Variants in GRAMD1B observed in about 807,000 individuals in gnomAD.
GRAMD1B encodes GRAM domain containing 1B.
A neutral mutation model predicts 99.7 loss-of-function variants in GRAMD1B; 37 were observed. The observed-to-expected ratio is 0.37, with a 90% CI of 0.29 to 0.49. The LOEUF (loss-of-function observed/expected upper bound fraction) is 0.49, where lower values mean the gene tolerates loss of function less well. Ranked by LOEUF, GRAMD1B falls within the 20% of genes least tolerant of loss-of-function variation. GRAMD1B has a pLI of 0.98. For synonymous variants in GRAMD1B, 427 were observed against 387.6 expected (o/e 1.10, Z -1.19); for missense variants, 888 against 1,009.2 (o/e 0.88, Z 1.63).
At chr11:123,526,472 C>T (rs112943740) in intron 2 of GRAMD1B, among the ~76,000 whole-genome samples, 9 of 152,228 alleles carry the variant, frequency 5.9e-5, no homozygotes, top group African/African-American at 1.7e-4. Context: ...AGGAGTGGTG[C>T]GCACAGAGGG....
intron 2 of GRAMD1B, among the ~76,000 whole-genome samples, chr11:123,505,524 T>G (rs1940334349): frequency 6.6e-6 from 1 of 152,246 alleles, no homozygotes; most frequent in African/African-American, 2.4e-5. Context: ...ATATTTATTA[T>G]GTGCCAGACA....
chr11:123,544,151 G>C (rs1309788658), intron 2 of GRAMD1B, among the ~76,000 whole-genome samples: 1 of 152,196 alleles, frequency 6.6e-6, no homozygotes, highest in African/African-American at 2.4e-5. Context: ...TAGGCCTTTT[G>C]AGGAGAGATT....
intron 1 of GRAMD1B, among the ~76,000 whole-genome samples, chr11:123,392,256 C>T (rs1462013981): frequency 6.6e-6 from 1 of 151,908 alleles, no homozygotes; most frequent in South Asian, 2.1e-4. Context: ...TGTCTTTGCC[C>T]TCTGAATGCA....
At chr11:123,618,857 C>T (rs1454449490) in intron 18 of GRAMD1B, 57 bp downstream of exon 18, 6 of 886,782 alleles carry the variant, frequency 6.8e-6, no homozygotes, top group Non-Finnish European at 1.1e-5. Flanking sequence ...GCCATGATAC[C>T]TGTCTCCCAG....
At chr11:123,391,881 C>A (rs73605946) in intron 1 of GRAMD1B, among the ~76,000 whole-genome samples, 3 of 152,174 alleles carry the variant, frequency 2.0e-5, no homozygotes, top group African/African-American at 7.2e-5. Context: ...CAAGCCACTG[C>A]GTGTGCATGG....
chr11:123,609,501 A>G (rs1953234674), intron 12 of GRAMD1B, among the ~76,000 whole-genome samples: 1 of 152,096 alleles, frequency 6.6e-6, no homozygotes, highest in Non-Finnish European at 1.5e-5. Context: ...CCACAGTAAC[A>G]CCAGTGTTGC....
intron 4 of GRAMD1B, among the ~76,000 whole-genome samples, chr11:123,586,602 A>G (rs966473119): frequency 7.2e-5 from 11 of 152,138 alleles, no homozygotes; most frequent in African/African-American, 1.9e-4. Context: ...CCGTGCTTTC[A>G]TGTGCAGATG....
At chr11:123,548,347 C>CAT (rs1565357831) in intron 2 of GRAMD1B, among the ~76,000 whole-genome samples, 2 of 115,198 alleles carry the variant, frequency 1.7e-5, no homozygotes, top group African/African-American at 9.0e-5. Context: ...CACACACACA[C>CAT]ACATATATAT....
intron 1 of GRAMD1B, among the ~76,000 whole-genome samples, chr11:123,395,448 C>T (rs1565471262): frequency 6.6e-6 from 1 of 152,028 alleles, no homozygotes; most frequent in Admixed American, 6.6e-5. Flanking sequence ...CAAATGATGC[C>T]TGCCCTCATT....
chr11:123,448,882 C>A (rs1334648607), intron 1 of GRAMD1B, among the ~76,000 whole-genome samples: 2 of 152,192 alleles, frequency 1.3e-5, no homozygotes, highest in Non-Finnish European at 2.9e-5. Context: ...TCCATCACAG[C>A]CCCTCTCCTG....
At chr11:123,406,751 A>C (rs1354013819) in intron 1 of GRAMD1B, among the ~76,000 whole-genome samples, 2 of 152,054 alleles carry the variant, frequency 1.3e-5, no homozygotes, top group Admixed American at 1.3e-4. Context: ...TGAGAATTCA[A>C]CTCTCTTTTA....
chr11:123,556,157 C>G (rs1324444665), intron 2 of GRAMD1B, among the ~76,000 whole-genome samples: 1 of 152,196 alleles, frequency 6.6e-6, no homozygotes, highest in African/African-American at 2.4e-5. Context: ...TCAGAAATCT[C>G]CTAAATGACT....
intron 1 of GRAMD1B, among the ~76,000 whole-genome samples, chr11:123,396,242 A>G (rs1446201219): frequency 1.6e-5 from 2 of 128,822 alleles, no homozygotes; most frequent in Admixed American, 7.9e-5. Flanking sequence ...CTGCTTCCCC[A>G]TATGCATTTT....
chr11:123,371,117 C>T (rs1421680165), intron 1 of GRAMD1B, among the ~76,000 whole-genome samples: 2 of 130,162 alleles, frequency 1.5e-5, no homozygotes, highest in African/African-American at 2.9e-5. Context: ...GAAAACGTGG[C>T]TTCAGCAGGA....
chr11:123,383,183 G>A (rs1324537907), intron 1 of GRAMD1B, among the ~76,000 whole-genome samples: 2 of 149,250 alleles, frequency 1.3e-5, no homozygotes, highest in African/African-American at 5.1e-5. Context: ...AATTTAAAGA[G>A]TGCTTCCTAC....
intron 2 of GRAMD1B, among the ~76,000 whole-genome samples, chr11:123,509,155 A>G (rs1940732719): frequency 1.3e-5 from 2 of 152,180 alleles, no homozygotes; most frequent in Non-Finnish European, 2.9e-5. Context: ...TAAAGTCTAC[A>G]TGGAAATGAA....
chr11:123,444,720 C>T (rs893467303), intron 1 of GRAMD1B, among the ~76,000 whole-genome samples: 1 of 152,040 alleles, frequency 6.6e-6, no homozygotes, highest in Non-Finnish European at 1.5e-5. Flanking sequence ...ATGGATCTCC[C>T]GTGTTCACCC....
chr11:123,543,450 G>A (rs1270953624), intron 2 of GRAMD1B, among the ~76,000 whole-genome samples: 1 of 152,200 alleles, frequency 6.6e-6, no homozygotes, highest in Non-Finnish European at 1.5e-5. Flanking sequence ...GGACACCTTG[G>A]GGGTGGCCAT....
intron 2 of GRAMD1B, among the ~76,000 whole-genome samples, chr11:123,544,022 A>G (rs753730030): frequency 9.4e-4 from 143 of 152,178 alleles, no homozygotes; most frequent in Non-Finnish European, 1.8e-3. Context: ...GTTTTTCCAC[A>G]AGACTCATGG....
Sources: allele counts gnomAD v4.1 joint callset (sites outside exome capture counted in the v4.1 genomes callset), GRCh38; gene constraint gnomAD v4.1.1; transcripts MANE v1.5; gene names NCBI Gene and HGNC (gene_info 2026-07-23, HGNC 2026-07-21).